The following SND1 variants were observed in gnomAD, a reference collection of about 807,000 sequenced individuals.
SND1 encodes the protein staphylococcal nuclease domain-containing protein 1.
Under a neutral mutation model 121.7 loss-of-function variants are expected in SND1, and 38 were observed. That is an observed-to-expected ratio of 0.31 (90% confidence interval 0.24 to 0.41). SND1 has a LOEUF of 0.41. Ranked by LOEUF, SND1 falls within the 10% of genes least tolerant of loss-of-function variation. The probability of loss-of-function intolerance (pLI) is 1.00; values close to 1 mark genes in which losing one functional copy is unlikely to be tolerated. For missense variants in SND1, 868 were observed against 1,184.6 expected, an observed-to-expected ratio of 0.73 and a Z score of 3.92; for synonymous variants, 401 against 447.4, an observed-to-expected ratio of 0.90 and a Z score of 1.31.
chr7:127,695,033 G>A, intron 3 of SND1, 85 bp downstream of exon 3: 1 of 1,528,078 alleles, frequency 6.5e-7, no homozygotes, highest in Non-Finnish European at 8.9e-7. Flanking sequence ...GCCAGTGTGG[G>A]TTCTGGTGGA....
At chr7:128,010,759 T>TA (rs1803096911) in intron 16 of SND1, among the ~76,000 whole-genome samples, 1 of 152,210 alleles carries the variant, frequency 6.6e-6, no homozygotes, top group African/African-American at 2.4e-5. Context: ...GTTTTGTAGT[T>TA]ACCTGAAGTA....
intron 8 of SND1, among the ~76,000 whole-genome samples, chr7:127,706,200 G>A (rs538240080): frequency 6.7e-6 from 1 of 149,888 alleles, no homozygotes; most frequent in South Asian, 2.1e-4. Context: ...ATGTTCATTA[G>A]TATTCTAAAT....
chr7:127,881,171 GT>G (rs1188154455), intron 12 of SND1, among the ~76,000 whole-genome samples: 1 of 151,960 alleles, frequency 6.6e-6, no homozygotes, highest in Non-Finnish European at 1.5e-5. Flanking sequence ...CACTCTCTGG[GT>G]CCATTTATTC....
At chr7:127,657,358 G>T (rs1428602105) in intron 1 of SND1, among the ~76,000 whole-genome samples, 3 of 152,160 alleles carry the variant, frequency 2.0e-5, no homozygotes, top group Non-Finnish European at 4.4e-5. Context: ...ACTGTGTTTA[G>T]GAAAGACTTC....
At chr7:128,053,811 A>G (rs937216110) in intron 16 of SND1, among the ~76,000 whole-genome samples, 1 of 152,104 alleles carries the variant, frequency 6.6e-6, no homozygotes, top group Admixed American at 6.5e-5. Flanking sequence ...CTGGAGATAC[A>G]CTAGCCAGAA....
At position 127,881,908 on chromosome 7, in the gene SND1, G is replaced by A. The variant is rs569489353; in HGVS notation, c.1344-5994G>A. On this transcript the variant is annotated intron_variant, in intron 12 of 23. Coordinates refer to ENST00000354725, the MANE Select transcript of SND1 (RefSeq NM_014390.4). ...CCTGCCTCGCCCTCCCAAAGTGTTA[G>A]AATTATAGGCGTGAGCCACCCCAAC... 2.6e-5 allele frequency among the ~76,000 whole-genome samples: 4 copies of A among 152,216 alleles called. No homozygotes were observed. The South Asian group carries it at 8.3e-4, about 32-fold the overall frequency.
intron 10 of SND1, among the ~76,000 whole-genome samples, chr7:127,761,305 AG>A (rs1797301947): frequency 6.6e-6 from 1 of 152,318 alleles, no homozygotes; most frequent in Middle Eastern, 3.4e-3. Flanking sequence ...TCCTTTATAA[AG>A]GAAACCCCAA....
intron 12 of SND1, among the ~76,000 whole-genome samples, chr7:127,852,096 G>T (rs1799174114): frequency 6.6e-6 from 1 of 151,908 alleles, no homozygotes; most frequent in Admixed American, 6.6e-5. Context: ...GGAGATGGAG[G>T]TTGCAGTGAG....
chr7:127,835,670 CA>C (rs1386147829), intron 11 of SND1, among the ~76,000 whole-genome samples: 4 of 152,142 alleles, frequency 2.6e-5, no homozygotes, highest in South Asian at 2.1e-4. Context: ...AGCATTAGCA[CA>C]AACACACATT....
intron 13 of SND1, among the ~76,000 whole-genome samples, chr7:127,891,282 G>A (rs1022688542): frequency 5.3e-5 from 8 of 152,006 alleles, no homozygotes; most frequent in South Asian, 2.1e-4. Flanking sequence ...GTGTCCAGGC[G>A]GGAATGCAGT....
chr7:127,967,418 T>C (rs1324003855), intron 15 of SND1, among the ~76,000 whole-genome samples: 1 of 152,204 alleles, frequency 6.6e-6, no homozygotes. Flanking sequence ...AATTTCTGCT[T>C]TCATGTAACT....
intron 10 of SND1, among the ~76,000 whole-genome samples, chr7:127,741,613 C>A (rs1796883526): frequency 6.6e-6 from 1 of 152,136 alleles, no homozygotes; most frequent in African/African-American, 2.4e-5. Context: ...CTAGCCCTTT[C>A]TCCTCCTTCC....
chr7:127,808,440 C>T (rs1369000896), intron 11 of SND1, among the ~76,000 whole-genome samples: 1 of 152,216 alleles, frequency 6.6e-6, no homozygotes, highest in African/African-American at 2.4e-5. Flanking sequence ...GCTGGGATTA[C>T]AGGCATGGGC....
At chr7:127,710,195 A>G (rs1261734016) in intron 9 of SND1, among the ~76,000 whole-genome samples, 2 of 152,126 alleles carry the variant, frequency 1.3e-5, no homozygotes, top group Non-Finnish European at 2.9e-5. Flanking sequence ...ATAAATTGGA[A>G]CATAGCTATA....
chr7:128,043,863 TACACAC>T (rs10591985), intron 16 of SND1, among the ~76,000 whole-genome samples: 13,868 of 149,620 alleles, frequency 0.093, 1,118 homozygotes, highest in African/African-American at 0.22. Flanking sequence ...TATACACATA[TACACAC>T]ACACACACAC....
At chr7:127,887,794 C>T (rs548027241) in intron 12 of SND1, 108 bp from the exon 13 acceptor site, 3 of 659,388 alleles carry the variant, frequency 4.5e-6, no homozygotes, top group Admixed American at 2.3e-5. Flanking sequence ...GCTTCTCTCT[C>T]CCTCTGCCAG....
intron 10 of SND1, among the ~76,000 whole-genome samples, chr7:127,733,343 A>G (rs1411005813): frequency 6.6e-6 from 1 of 152,174 alleles, no homozygotes; most frequent in African/African-American, 2.4e-5. Flanking sequence ...TGTAAAATCT[A>G]AGGAAGCAGT....
intron 14 of SND1, among the ~76,000 whole-genome samples, chr7:127,905,524 G>T (rs533882670): frequency 6.6e-6 from 1 of 152,266 alleles, no homozygotes; most frequent in African/African-American, 2.4e-5. Flanking sequence ...TAAGCTCTGA[G>T]AATATAACAA....
intron 18 of SND1, 129 bp downstream of exon 18, chr7:128,081,630 C>T (rs1425605481): frequency 5.8e-6 from 6 of 1,031,468 alleles, no homozygotes; most frequent in Non-Finnish European, 7.1e-6. Flanking sequence ...CCCTGAAGAG[C>T]TCACGTTGCC....
Sources: gnomAD v4.1 joint callset for allele counts (sites outside exome capture counted in the v4.1 genomes callset) on GRCh38, gnomAD v4.1.1 for gene constraint, MANE v1.5 for transcripts, NCBI Gene and HGNC (gene_info 2026-07-23, HGNC 2026-07-21) for gene names.